NRG3: variants seen among roughly 807,000 people sequenced by gnomAD.
NRG3 encodes neuregulin 3, also known as pro-neuregulin-3, membrane-bound isoform.
Under a neutral mutation model 66.9 loss-of-function variants are expected in NRG3, and 31 were observed. The observed-to-expected ratio is 0.46, with a 90% confidence interval of 0.35 to 0.63. The LOEUF (loss-of-function observed/expected upper bound fraction) is 0.63, where lower values mean the gene tolerates loss of function less well. Ranked by LOEUF, NRG3 falls within the 20% of genes least tolerant of loss-of-function variation. The pLI is 0.00. For synonymous variants in NRG3, 393 were observed against 359.4 expected (o/e 1.09, Z -1.06); for missense variants, 910 against 878.9 (o/e 1.04, Z -0.45).
At chr10:82,279,989 A>G (rs2079049039) in intron 1 of NRG3, among the ~76,000 whole-genome samples, 1 of 152,186 alleles carries the variant, frequency 6.6e-6, no homozygotes, top group South Asian at 2.1e-4. Flanking sequence ...CTTAATTTGA[A>G]GGAGAGAAGT....
At chr10:82,191,398 A>G (rs2074133214) in intron 1 of NRG3, among the ~76,000 whole-genome samples, 1 of 152,108 alleles carries the variant, frequency 6.6e-6, no homozygotes, top group African/African-American at 2.4e-5. Flanking sequence ...TCCTTGGCCA[A>G]TTATGTATAA....
intron 1 of NRG3, among the ~76,000 whole-genome samples, chr10:82,168,011 G>C (rs2072236167): frequency 6.6e-6 from 1 of 151,948 alleles, no homozygotes; most frequent in African/African-American, 2.4e-5. Flanking sequence ...AAAACCCTTG[G>C]AAAACTAAGA....
At chr10:81,941,128 A>C (rs759920777) in intron 1 of NRG3, among the ~76,000 whole-genome samples, 6 of 152,184 alleles carry the variant, frequency 3.9e-5, no homozygotes, top group Non-Finnish European at 7.4e-5. Context: ...ATGTTGTTAC[A>C]TACCCTATTA....
intron 2 of NRG3, among the ~76,000 whole-genome samples, chr10:82,556,177 A>G (rs1261882773): frequency 6.6e-6 from 1 of 152,090 alleles, no homozygotes; most frequent in African/African-American, 2.4e-5. Context: ...GCTGTATTTC[A>G]CAATCTAACT....
chr10:82,343,305 T>G (rs1404046334), intron 1 of NRG3, among the ~76,000 whole-genome samples: 1 of 152,040 alleles, frequency 6.6e-6, no homozygotes, highest in African/African-American at 2.4e-5. Flanking sequence ...CAATCCTATT[T>G]ACAATCGTTA....
chr10:82,688,241 A>C (rs770651347), intron 2 of NRG3, among the ~76,000 whole-genome samples: 2 of 152,224 alleles, frequency 1.3e-5, no homozygotes, highest in Non-Finnish European at 2.9e-5. Context: ...ACCACAACGT[A>C]TTATATTTAT....
intron 2 of NRG3, among the ~76,000 whole-genome samples, chr10:82,533,263 TC>T (rs2132667318): frequency 6.6e-6 from 1 of 152,226 alleles, no homozygotes; most frequent in East Asian, 1.9e-4. Context: ...TCATTGCTGA[TC>T]ATTTCTTTTG....
intron 1 of NRG3, among the ~76,000 whole-genome samples, chr10:82,198,720 C>T (rs182249731): frequency 6.4e-4 from 97 of 152,180 alleles, no homozygotes; most frequent in African/African-American, 2.0e-3. Context: ...CTTAAGGGGC[C>T]GGGCACGGTG....
chr10:82,598,223 CA>C (rs1297463343), intron 2 of NRG3, among the ~76,000 whole-genome samples: 2 of 152,150 alleles, frequency 1.3e-5, no homozygotes, highest in Admixed American at 1.3e-4. Context: ...GCAGACGCTT[CA>C]AATATTTCTC....
intron 2 of NRG3, among the ~76,000 whole-genome samples, chr10:82,385,653 A>G (rs1265770366): frequency 6.6e-6 from 1 of 152,174 alleles, no homozygotes; most frequent in Non-Finnish European, 1.5e-5. Context: ...ATGCGAGAGT[A>G]TATGAAATTG....
intron 4 of NRG3, among the ~76,000 whole-genome samples, chr10:82,944,442 A>G (rs1167282346): frequency 6.6e-6 from 1 of 152,210 alleles, no homozygotes; most frequent in African/African-American, 2.4e-5. Flanking sequence ...ACAATTAAGT[A>G]AAATGGAATT....
chr10:82,335,843 A>G (rs1290601539), intron 1 of NRG3, among the ~76,000 whole-genome samples: 2 of 152,224 alleles, frequency 1.3e-5, no homozygotes, highest in East Asian at 3.9e-4. Flanking sequence ...AAATAATGAC[A>G]AAAATGTCTA....
At chr10:82,516,641 AT>A (rs1306064376) in intron 2 of NRG3, among the ~76,000 whole-genome samples, 1 of 152,160 alleles carries the variant, frequency 6.6e-6, no homozygotes, top group East Asian at 1.9e-4. Context: ...TTGATGAAAG[AT>A]TTTTTAATAA....
intron 4 of NRG3, among the ~76,000 whole-genome samples, chr10:82,902,296 G>A (rs1274820584): frequency 6.6e-6 from 1 of 152,114 alleles, no homozygotes; most frequent in African/African-American, 2.4e-5. Flanking sequence ...GAAAGTTCTG[G>A]GGAAGATTAA....
chr10:82,109,407 G>A (rs1295259089), intron 1 of NRG3, among the ~76,000 whole-genome samples: 5 of 152,196 alleles, frequency 3.3e-5, no homozygotes, highest in Admixed American at 6.5e-5. Flanking sequence ...ACTGCTAAGC[G>A]CTCTATCCTA....
intron 1 of NRG3, among the ~76,000 whole-genome samples, chr10:82,271,833 T>G (rs2078612694): frequency 6.6e-6 from 1 of 152,138 alleles, no homozygotes; most frequent in Non-Finnish European, 1.5e-5. Context: ...CCTTAGATAT[T>G]TTGGCTTATC....
chr10:82,735,031 AG>A, intron 2 of NRG3, among the ~76,000 whole-genome samples: 1 of 151,892 alleles, frequency 6.6e-6, no homozygotes, highest in African/African-American at 2.4e-5. Context: ...AAAAAAAAGA[AG>A]GGAAGGGAAG....
intron 2 of NRG3, among the ~76,000 whole-genome samples, chr10:82,539,529 C>T (rs906598455): frequency 4.6e-5 from 7 of 152,254 alleles, no homozygotes; most frequent in Admixed American, 4.6e-4. Context: ...GAGGACAGTC[C>T]TTGGATGATA....
chr10:81,886,408 A>G (rs1398169566), intron 1 of NRG3, among the ~76,000 whole-genome samples: 2 of 152,148 alleles, frequency 1.3e-5, no homozygotes, highest in Non-Finnish European at 2.9e-5. Context: ...ATTACATTGG[A>G]TATAATCCAT....
Sources: allele counts gnomAD v4.1 joint callset (sites outside exome capture counted in the v4.1 genomes callset), GRCh38; gene constraint gnomAD v4.1.1; transcripts MANE v1.5; gene names NCBI Gene and HGNC (gene_info 2026-07-23, HGNC 2026-07-21).